Variants in PIK3C3 observed in about 807,000 individuals in gnomAD.
The protein encoded by PIK3C3 is phosphatidylinositol 3-kinase catalytic subunit type 3.
PIK3C3 carries 95 observed loss-of-function variants against 126.1 expected under a neutral mutation model. The ratio of observed to expected loss-of-function variants is 0.75; its 90% CI spans 0.64 to 0.89. PIK3C3 has a LOEUF of 0.89. PIK3C3 is among the 40% of genes least tolerant of loss of function. The pLI is 0.00. For synonymous variants in PIK3C3, 374 were observed against 360.0 expected, an observed-to-expected ratio of 1.04 and a Z score of -0.44; for missense variants, 829 against 1,063.2, an observed-to-expected ratio of 0.78 and a Z score of 3.06.
At position 41,957,258 on chromosome 18, in the gene PIK3C3, GAGGGTAGATCA is replaced by G. The variant is rs536675454; in HGVS notation, c.69-306_69-296del. ...AGGCCTAGAAAGCTGGTGACTTCCA[GAGGGTAGATCA>G]AGGGTCAATGGCAGCGTTTAAAATT... On this transcript the variant is annotated intron_variant, in intron 1 of 24. Transcript: ENST00000262039. 8.5e-5 allele frequency among the ~76,000 whole-genome samples: 13 copies of G among 152,326 alleles called. No homozygotes were observed. The East Asian group carries it at 2.5e-3, about 29-fold the overall frequency.
intron 10 of PIK3C3, among the ~76,000 whole-genome samples, chr18:42,007,165 G>A (rs940085857): frequency 3.9e-5 from 6 of 152,108 alleles, no homozygotes; most frequent in African/African-American, 1.2e-4. Context: ...ACCACACCCG[G>A]CCTTAAAAAT....
At chr18:42,057,056 G>C (rs1985097363) in intron 21 of PIK3C3, among the ~76,000 whole-genome samples, 1 of 132,942 alleles carries the variant, frequency 7.5e-6, no homozygotes. Flanking sequence ...TAATAGAAAT[G>C]AACCCCCCCC....
At chr18:42,057,390 A>T (rs970550460) in intron 21 of PIK3C3, among the ~76,000 whole-genome samples, 4 of 152,168 alleles carry the variant, frequency 2.6e-5, no homozygotes, top group African/African-American at 9.6e-5. Context: ...ATTGCTATTT[A>T]TGCTAAGAAT....
intron 20 of PIK3C3, among the ~76,000 whole-genome samples, chr18:42,048,364 G>A (rs892333102): frequency 2.6e-5 from 4 of 152,132 alleles, no homozygotes; most frequent in African/African-American, 9.7e-5. Context: ...AAGGCCTAAA[G>A]GGCTAACCTC....
intron 3 of PIK3C3, among the ~76,000 whole-genome samples, chr18:41,970,083 T>G (rs1047952425): frequency 6.6e-6 from 1 of 152,226 alleles, no homozygotes; most frequent in Admixed American, 6.5e-5. Flanking sequence ...CCTTCCACTC[T>G]CTGTGTAGAA....
intron 3 of PIK3C3, among the ~76,000 whole-genome samples, chr18:41,963,494 A>G (rs957051278): frequency 3.3e-5 from 5 of 152,280 alleles, no homozygotes; most frequent in African/African-American, 9.6e-5. Context: ...GCAGTACACT[A>G]CTAGTGATTG....
intron 12 of PIK3C3, among the ~76,000 whole-genome samples, chr18:42,015,831 A>G (rs139209311): frequency 9.2e-5 from 14 of 152,326 alleles, no homozygotes; most frequent in African/African-American, 3.1e-4. Context: ...ATATTTTATT[A>G]GGGAAACCTA....
intron 24 of PIK3C3, among the ~76,000 whole-genome samples, chr18:42,077,378 G>T (rs938906691): frequency 1.3e-5 from 2 of 152,186 alleles, no homozygotes; most frequent in South Asian, 4.1e-4. Context: ...ATTTTGCCCA[G>T]AGTAGAACTT....
chr18:42,079,753 A>G (rs1227623300), intron 24 of PIK3C3, among the ~76,000 whole-genome samples: 1 of 152,190 alleles, frequency 6.6e-6, no homozygotes, highest in African/African-American at 2.4e-5. Flanking sequence ...CTTCCAAGTT[A>G]TTTAGACTCC....
At chr18:42,073,355 G>A (rs975751960) in intron 24 of PIK3C3, among the ~76,000 whole-genome samples, 1 of 152,258 alleles carries the variant, frequency 6.6e-6, no homozygotes, top group East Asian at 1.9e-4. Flanking sequence ...GATATATTTG[G>A]GTGGATTTCA....
chr18:41,968,020 G>C (rs1980459874), intron 3 of PIK3C3, among the ~76,000 whole-genome samples: 1 of 152,310 alleles, frequency 6.6e-6, no homozygotes, highest in African/African-American at 2.4e-5. Context: ...ACTCTGCAAA[G>C]TTCCATTAGT....
chr18:42,083,373 A>C lies in PIK3C3; in HGVS notation c.*2236A>C, dbSNP rs1986316581. On this transcript the variant is annotated 3_prime_UTR_variant, in exon 25 of 25. Transcript: ENST00000262039. ...TGAGGACACATCACTTTAATTAAAA[A>C]AGTGTGAGTACTATGGTCATTAAGT... The C allele has an allele frequency of 6.6e-6, 1 of 152,198 alleles. No homozygotes were observed. Among genetic ancestry groups the C allele is most frequent in the South Asian group, 2.1e-4 (1 of 4,832 alleles). The allele number at this position is 152,198 out of a possible 1,614,324, so 9.4% of individuals were successfully genotyped here. A position where few individuals can be genotyped will look rare whatever the true frequency, so the allele number is the denominator to read the frequency against.
intron 13 of PIK3C3, among the ~76,000 whole-genome samples, chr18:42,021,857 A>G (rs909537629): frequency 3.3e-5 from 5 of 152,212 alleles, no homozygotes; most frequent in African/African-American, 1.2e-4. Context: ...GTATAATGCA[A>G]ATATTCAAAA....
At chr18:42,057,417 TTCC>T (rs2144504662) in intron 21 of PIK3C3, among the ~76,000 whole-genome samples, 1 of 152,322 alleles carries the variant, frequency 6.6e-6, no homozygotes, top group Admixed American at 6.5e-5. Flanking sequence ...TTTAAAATTT[TTCC>T]TTTCTAAAAT....
intron 18 of PIK3C3, among the ~76,000 whole-genome samples, chr18:42,039,263 G>C (rs1469743549): frequency 6.6e-6 from 1 of 152,106 alleles, no homozygotes; most frequent in Non-Finnish European, 1.5e-5. Context: ...CTTTATACTA[G>C]TAGTTACTGA....
chr18:42,047,072 G>A (rs1462794197), intron 20 of PIK3C3, among the ~76,000 whole-genome samples: 1 of 152,098 alleles, frequency 6.6e-6, no homozygotes, highest in Non-Finnish European at 1.5e-5. Flanking sequence ...TGTATATCCA[G>A]TTACATGAAA....
chr18:42,029,164 A>G (rs1207654213), intron 14 of PIK3C3, among the ~76,000 whole-genome samples, 161 bp from the exon 15 acceptor site: 1 of 152,118 alleles, frequency 6.6e-6, no homozygotes, highest in Non-Finnish European at 1.5e-5. Context: ...CTAAGATAAG[A>G]GGTTTCTTGT....
chr18:41,996,971 C>T (rs140325192), intron 9 of PIK3C3, among the ~76,000 whole-genome samples: 1 of 152,130 alleles, frequency 6.6e-6, no homozygotes, highest in East Asian at 1.9e-4. Context: ...GACTTGGGTT[C>T]GTTTTCCAGA....
At chr18:42,004,159 GAT>G (rs1335860632) in intron 9 of PIK3C3, among the ~76,000 whole-genome samples, 195 bp from the exon 10 acceptor site, 2 of 152,066 alleles carry the variant, frequency 1.3e-5, no homozygotes, top group African/African-American at 2.4e-5. Context: ...AAAATATAAA[GAT>G]ACAGGGAACA....
Sources: allele counts gnomAD v4.1 joint callset (sites outside exome capture counted in the v4.1 genomes callset), GRCh38; gene constraint gnomAD v4.1.1; transcripts MANE v1.5; gene names NCBI Gene and HGNC (gene_info 2026-07-23, HGNC 2026-07-21).